ZMIZ1: variants seen among roughly 807,000 people sequenced by gnomAD.
ZMIZ1 encodes the protein zinc finger MIZ-type containing 1.
In ZMIZ1, 17 loss-of-function variants were observed where a neutral mutation model predicts 113.9. The observed-to-expected ratio is 0.15, with a 90% CI of 0.10 to 0.22. The LOEUF is 0.22. Ranked by LOEUF, ZMIZ1 falls within the 10% of genes least tolerant of loss-of-function variation. ZMIZ1 has a pLI of 1.00. For synonymous variants in ZMIZ1, 607 were observed against 603.1 expected (o/e 1.01, Z -0.09); for missense variants, 1,059 against 1,477.8 (o/e 0.72, Z 4.65).
intron 3 of ZMIZ1, among the ~76,000 whole-genome samples, chr10:79,153,247 C>G (rs956690155): frequency 6.6e-6 from 1 of 152,234 alleles, no homozygotes; most frequent in Non-Finnish European, 1.5e-5. Flanking sequence ...GTAGACAGAA[C>G]AGAATAAGGA....
intron 4 of ZMIZ1, among the ~76,000 whole-genome samples, chr10:79,198,245 T>A (rs1430333591): frequency 6.6e-6 from 1 of 152,004 alleles, no homozygotes. Context: ...GGCGACAGAC[T>A]CTGTCTCAAA....
intron 7 of ZMIZ1, among the ~76,000 whole-genome samples, chr10:79,218,957 C>G (rs981176583): frequency 1.3e-5 from 2 of 151,728 alleles, no homozygotes; most frequent in Admixed American, 1.3e-4. Flanking sequence ...AGGTCACAGT[C>G]TTTGTCCTGA....
intron 7 of ZMIZ1, among the ~76,000 whole-genome samples, chr10:79,250,405 CAG>C (rs921243871): frequency 2.1e-4 from 32 of 152,350 alleles, no homozygotes; most frequent in African/African-American, 7.7e-4. Context: ...GGTCAGGGGA[CAG>C]AGGGGCACAA....
chr10:79,122,561 T>G (rs1844342922), intron 2 of ZMIZ1, among the ~76,000 whole-genome samples: 1 of 152,130 alleles, frequency 6.6e-6, no homozygotes, highest in African/African-American at 2.4e-5. Flanking sequence ...TCCTGCAGGT[T>G]AGATGTCATG....
At chr10:79,312,555 G>T in intron 24 of ZMIZ1, 87 bp from the exon 25 acceptor site, 1 of 1,418,622 alleles carries the variant, frequency 7.0e-7, no homozygotes, top group Non-Finnish European at 9.9e-7. Context: ...GGTGGAGGGG[G>T]ACGGGCCAGG....
At chr10:79,105,055 C>A (rs1843507065) in intron 1 of ZMIZ1, among the ~76,000 whole-genome samples, 1 of 151,182 alleles carries the variant, frequency 6.6e-6, no homozygotes, top group Non-Finnish European at 1.5e-5. Flanking sequence ...GATGCTAGAT[C>A]CAATTGCCAC....
chr10:79,307,283 C>T (rs1250554), intron 22 of ZMIZ1, 122 bp from the exon 23 acceptor site: 321,897 of 977,504 alleles, frequency 0.33, 57,445 homozygotes, highest in East Asian at 0.44. Flanking sequence ...GCTGCTGTGA[C>T]CTACTACAGC....
At chr10:79,187,429 C>A (rs962471601) in intron 4 of ZMIZ1, among the ~76,000 whole-genome samples, 1 of 152,268 alleles carries the variant, frequency 6.6e-6, no homozygotes, top group African/African-American at 2.4e-5. Flanking sequence ...TGTAACCTCT[C>A]TGGGCCTCAG....
At chr10:79,205,219 A>G (rs1564718626) in intron 5 of ZMIZ1, among the ~76,000 whole-genome samples, 1 of 152,184 alleles carries the variant, frequency 6.6e-6, no homozygotes, top group Non-Finnish European at 1.5e-5. Context: ...TAACAGCCAT[A>G]ATTAGGGAGG....
intron 8 of ZMIZ1, among the ~76,000 whole-genome samples, chr10:79,289,364 G>A (rs1359866491): frequency 6.6e-6 from 1 of 152,160 alleles, no homozygotes; most frequent in African/African-American, 2.4e-5. Context: ...TACTGAGAAG[G>A]GACCAAGCAG....
chr10:79,262,369 T>C (rs1384261504), intron 7 of ZMIZ1, among the ~76,000 whole-genome samples: 2 of 152,252 alleles, frequency 1.3e-5, no homozygotes, highest in South Asian at 2.1e-4. Flanking sequence ...TTCTAATGCA[T>C]GGGCAAGATT....
chr10:79,087,735 T>C (rs1200218688), intron 1 of ZMIZ1, among the ~76,000 whole-genome samples: 1 of 152,256 alleles, frequency 6.6e-6, no homozygotes, highest in Non-Finnish European at 1.5e-5. Context: ...TTCACTTGTG[T>C]GTGCTTTGCA....
intron 1 of ZMIZ1, among the ~76,000 whole-genome samples, chr10:79,111,088 C>T (rs1843721338): frequency 6.6e-6 from 1 of 152,230 alleles, no homozygotes; most frequent in African/African-American, 2.4e-5. Context: ...GTGCATAGAG[C>T]CCATGAGCAG....
intron 4 of ZMIZ1, among the ~76,000 whole-genome samples, chr10:79,186,496 T>C (rs1364204242): frequency 6.6e-6 from 1 of 152,214 alleles, no homozygotes; most frequent in Non-Finnish European, 1.5e-5. Flanking sequence ...CGGGTCTTTC[T>C]TGTTGATTCC....
At chr10:79,289,716 G>A (rs1853337889) in intron 8 of ZMIZ1, 59 bp from the exon 9 acceptor site, 3 of 1,506,382 alleles carry the variant, frequency 2.0e-6, no homozygotes, top group African/African-American at 2.7e-5. Context: ...GATGGGCATG[G>A]CCTGTCTTGA....
chr10:79,116,083 T>C (rs1844010935), intron 1 of ZMIZ1, among the ~76,000 whole-genome samples: 1 of 152,028 alleles, frequency 6.6e-6, no homozygotes, highest in Non-Finnish European at 1.5e-5. Flanking sequence ...ATGGGGAGTA[T>C]AATCCCCCCG....
At chr10:79,234,786 C>T (rs1479918389) in intron 7 of ZMIZ1, among the ~76,000 whole-genome samples, 3 of 152,212 alleles carry the variant, frequency 2.0e-5, no homozygotes, top group Admixed American at 6.5e-5. Context: ...AGGGAATTAG[C>T]AGGAGTCAGT....
intron 2 of ZMIZ1, among the ~76,000 whole-genome samples, chr10:79,135,468 A>T (rs1353120462): frequency 6.6e-6 from 1 of 152,180 alleles, no homozygotes; most frequent in Non-Finnish European, 1.5e-5. Flanking sequence ...CCCATTTCCC[A>T]CCAAGCCACC....
At chr10:79,080,002 T>C (rs915525075) in intron 1 of ZMIZ1, among the ~76,000 whole-genome samples, 1 of 152,188 alleles carries the variant, frequency 6.6e-6, no homozygotes, top group African/African-American at 2.4e-5. Flanking sequence ...TGGTGTAAGC[T>C]GGTTAGGAGT....
Sources: gnomAD v4.1 joint callset for allele counts (sites outside exome capture counted in the v4.1 genomes callset) on GRCh38, gnomAD v4.1.1 for gene constraint, MANE v1.5 for transcripts, NCBI Gene and HGNC (gene_info 2026-07-23, HGNC 2026-07-21) for gene names.